The following CRYBG1 variants were observed in gnomAD, a reference collection of about 807,000 sequenced individuals.
The protein encoded by CRYBG1 is beta/gamma crystallin domain-containing protein 1.
CRYBG1 carries 139 observed loss-of-function variants against 189.2 expected under a neutral mutation model. That is an observed-to-expected ratio of 0.73 (90% CI 0.64 to 0.85). The LOEUF (loss-of-function observed/expected upper bound fraction) is 0.85, where lower values mean the gene tolerates loss of function less well. Ranked by LOEUF, CRYBG1 falls within the 40% of genes least tolerant of loss-of-function variation. CRYBG1 has a pLI of 0.00. For missense variants in CRYBG1, 2,611 were observed against 2,675.8 expected (o/e 0.98, Z 0.53); for synonymous variants, 1,023 against 1,017.1 (o/e 1.01, Z -0.11).
chr6:106,407,724 C>G (rs772177011), intron 1 of CRYBG1, among the ~76,000 whole-genome samples: 15 of 152,182 alleles, frequency 9.9e-5, no homozygotes, highest in Non-Finnish European at 2.1e-4. Context: ...GAAACTCACT[C>G]TAAAAAACAC....
chr6:106,432,986 G>T (rs1476814373), intron 1 of CRYBG1, among the ~76,000 whole-genome samples: 1 of 151,630 alleles, frequency 6.6e-6, no homozygotes, highest in Non-Finnish European at 1.5e-5. Flanking sequence ...ACTATAGGCA[G>T]GCGCCACCAC....
At chr6:106,442,802 G>A (rs913294121) in intron 1 of CRYBG1, among the ~76,000 whole-genome samples, 2 of 152,150 alleles carry the variant, frequency 1.3e-5, no homozygotes, top group Non-Finnish European at 2.9e-5. Context: ...GAGAGAAAGA[G>A]CCATCAGTGA....
chr6:106,535,713 T>A (rs994688605), intron 8 of CRYBG1, among the ~76,000 whole-genome samples: 2 of 151,958 alleles, frequency 1.3e-5, no homozygotes, highest in East Asian at 1.9e-4. Flanking sequence ...AGTCTCTTTT[T>A]AAAGATCTCT....
Position 106,511,561 on chromosome 6 carries a change from A to G in CRYBG1, c.444A>G (p.Pro148=). Residue 148 remains proline (P), a synonymous_variant, in exon 3 of 22, where the codon CCA becomes CCG. Coordinates refer to ENST00000633556, the MANE Select transcript of CRYBG1 (RefSeq NM_001371242.2). ...GTCCCACCAGATCAAATGCCAAACC[A>G]CTCTCTCCCAAAGATGTGGTAGCCT... The part of the protein sequence containing the change: ...LESPTRSNAK[P]LSPKDVVASP... 1 of 1,535,634 alleles carries G rather than the reference A, an allele frequency of 6.5e-7. No individual in the cohort carries two copies. The highest frequency in any genetic ancestry group is 8.7e-7 in the Non-Finnish European group (1 of 1,146,674).
chr6:106,451,873 C>A, intron 2 of CRYBG1, 41 bp downstream of exon 2: 1 of 1,512,230 alleles, frequency 6.6e-7, no homozygotes, highest in Non-Finnish European at 8.8e-7. Context: ...AAGAATAAAC[C>A]CTTTAAAGAG....
In CRYBG1 at chr6:106,389,629, C is replaced by T. The variant is rs540546119; in HGVS notation, c.173+28548C>T. ...AAAAATAGCAATTTTTTACCTCTGT[C>T]TCACAGATGAAGTGTGAGCTTTCTT... On this transcript the variant is annotated intron_variant, in intron 1 of 21. Coordinates refer to ENST00000633556, the MANE Select transcript of CRYBG1 (RefSeq NM_001371242.2). Among the ~76,000 whole-genome samples, 5 of 152,186 alleles carry T rather than the reference C, an allele frequency of 3.3e-5. No homozygotes were observed. The East Asian group carries it at 9.6e-4, about 29-fold the overall frequency.
Position 106,399,739 on chromosome 6 carries a change from C to T in CRYBG1, c.173+38658C>T, listed in dbSNP as rs564997110. ...TGGTGTGAACACAGCTTACTGTAGC[C>T]TCAAACTCCTGGGCTCAAGGCATCC... On this transcript the variant is annotated intron_variant, in intron 1 of 21. Transcript: ENST00000633556. Among the ~76,000 whole-genome samples, 336 of 151,642 alleles carry T rather than the reference C, an allele frequency of 2.2e-3. 3 individuals are homozygous for T. The highest frequency in any genetic ancestry group is 5.2e-3 in the South Asian group (25 of 4,800).
Position 106,555,973 on chromosome 6 carries a change from C to A in CRYBG1, c.5715+76C>A. Reference sequence around the variant, plus strand: ...TGATGGTCAGAGTGAGGTAACCAGCCGGTAGAACCTGCTCTTAAAGTTAGT... The same window carrying A: ...TGATGGTCAGAGTGAGGTAACCAGCAGGTAGAACCTGCTCTTAAAGTTAGT... On this transcript the variant is annotated intron_variant, in intron 17 of 21. Coordinates refer to ENST00000633556, the MANE Select transcript of CRYBG1 (RefSeq NM_001371242.2). 5 of 1,526,160 alleles carry A rather than the reference C, an allele frequency of 3.3e-6. 1 individual carries two copies. In the South Asian group the frequency reaches 5.7e-5, roughly 17 times the overall value. 94.5% of individuals were successfully genotyped at this position (1,526,160 alleles called of 1,614,324 possible).
chr6:106,509,304 T>C (rs1773195684), intron 2 of CRYBG1, among the ~76,000 whole-genome samples: 1 of 152,244 alleles, frequency 6.6e-6, no homozygotes, highest in Admixed American at 6.5e-5. Context: ...TCAGTAAACA[T>C]GTATTATGAT....
chr6:106,381,821 C>T (rs1770295579), intron 1 of CRYBG1, among the ~76,000 whole-genome samples: 1 of 152,130 alleles, frequency 6.6e-6, no homozygotes. Context: ...GCCAGAAAGC[C>T]CCCAGGTGGT....
At chr6:106,480,198 A>G (rs2114478282) in intron 2 of CRYBG1, among the ~76,000 whole-genome samples, 1 of 152,258 alleles carries the variant, frequency 6.6e-6, no homozygotes, top group East Asian at 1.9e-4. Context: ...AGACTTAAGT[A>G]TGAAGTTCAT....
Position 106,519,961 on chromosome 6 carries a change from A to T in CRYBG1, c.2753A>T (p.Gln918Leu). The T allele has an allele frequency of 6.2e-7, 1 of 1,614,192 alleles. No homozygotes were observed. Among genetic ancestry groups the T allele is most frequent in the Non-Finnish European group, 8.5e-7 (1 of 1,180,034 alleles). Residue 918 changes from glutamine (Q) to leucine (L), a missense_variant, in exon 4 of 22, where the codon CAG (glutamine) becomes CTG (leucine). Around this residue, in one of 3 missense-constraint regions of CRYBG1, gnomAD observed 1,622 missense variants for 1,735.0 expected, o/e 0.93. Transcript: ENST00000633556. The part of the protein sequence containing the change: ...HKGCVLPVSR[Q>L]NNEKMPLLEL... ...GGATGTGTTTTGCCTGTGTCTCGTC[A>T]GAACAATGAGAAAATGCCACTTTTA...
At chr6:106,372,967 G>C (rs1188671335) in intron 1 of CRYBG1, among the ~76,000 whole-genome samples, 1 of 152,172 alleles carries the variant, frequency 6.6e-6, no homozygotes, top group Non-Finnish European at 1.5e-5. Context: ...TTTCACCACA[G>C]CATGAAAAAA....
chr6:106,457,539 T>C (rs1263198906), intron 2 of CRYBG1, among the ~76,000 whole-genome samples: 1 of 152,178 alleles, frequency 6.6e-6, no homozygotes, highest in Admixed American at 6.5e-5. Flanking sequence ...AACTTCTCCA[T>C]AGTGACTTAC....
At chr6:106,529,266 T>G (rs1483647052) in intron 7 of CRYBG1, among the ~76,000 whole-genome samples, 1 of 152,146 alleles carries the variant, frequency 6.6e-6, no homozygotes, top group Non-Finnish European at 1.5e-5. Context: ...AATTTTCTAA[T>G]TTGTTTCCTT....
intron 1 of CRYBG1, among the ~76,000 whole-genome samples, chr6:106,438,241 A>T (rs1374279941): frequency 1.3e-5 from 2 of 152,214 alleles, no homozygotes; most frequent in Admixed American, 6.5e-5. Context: ...GATGCCAGAA[A>T]TACCTGTTAT....
chr6:106,472,909 TAAA>T (rs34714366), intron 2 of CRYBG1, among the ~76,000 whole-genome samples: 1 of 137,178 alleles, frequency 7.3e-6, no homozygotes, highest in African/African-American at 2.7e-5. Flanking sequence ...GTCTCAAAAT[TAAA>T]AAAAAAAAAA....
intron 3 of CRYBG1, among the ~76,000 whole-genome samples, chr6:106,517,322 A>ATATATC (rs1773447755): frequency 7.3e-6 from 1 of 136,898 alleles, no homozygotes; most frequent in Non-Finnish European, 1.5e-5. Flanking sequence ...ACACACATAT[A>ATATATC]TATATACACA....
At chr6:106,566,857 G>T (rs188938711) in intron 21 of CRYBG1, among the ~76,000 whole-genome samples, 1 of 152,044 alleles carries the variant, frequency 6.6e-6, no homozygotes, top group Non-Finnish European at 1.5e-5. Flanking sequence ...ATTGCCCTAA[G>T]AATTATTAGA....
Sources: allele counts gnomAD v4.1 joint callset (sites outside exome capture counted in the v4.1 genomes callset), GRCh38; gene constraint gnomAD v4.1.1; regional missense constraint gnomAD v4.1.1; transcripts MANE v1.5; gene names NCBI Gene and HGNC (gene_info 2026-07-23, HGNC 2026-07-21).